FMO1: variants seen among roughly 807,000 people sequenced by gnomAD.
The protein encoded by FMO1 is flavin-containing monooxygenase 1.
Under a neutral mutation model 45.4 loss-of-function variants are expected in FMO1, and 36 were observed. The observed-to-expected ratio is 0.79, with a 90% CI of 0.61 to 1.05. The LOEUF is 1.05. Among genes scored for constraint, FMO1 ranks in the 50% least tolerant of loss-of-function variants. The pLI is 0.00. For synonymous variants in FMO1, 228 were observed against 227.2 expected, an observed-to-expected ratio of 1.00 and a Z score of -0.03; for missense variants, 615 against 640.3, an observed-to-expected ratio of 0.96 and a Z score of 0.43.
At chr1:171,275,613 A>T in intron 4 of FMO1, 105 bp downstream of exon 4, 1 of 815,450 alleles carries the variant, frequency 1.2e-6, no homozygotes. Context: ...AAATAGTTAA[A>T]GTTGGGAGGT....
At chr1:171,276,178 A>C (rs1043811986) in intron 4 of FMO1, among the ~76,000 whole-genome samples, 2 of 152,214 alleles carry the variant, frequency 1.3e-5, no homozygotes, top group African/African-American at 4.8e-5. Context: ...AAACTTTCAG[A>C]AACTTTTCTC....
chr1:171,272,564 C>T (rs1017952688), intron 3 of FMO1, among the ~76,000 whole-genome samples: 4 of 152,202 alleles, frequency 2.6e-5, no homozygotes, highest in African/African-American at 7.2e-5. Context: ...TGCAAAGCCA[C>T]AGGAGCAGAG....
rs1336099870 is a variant in FMO1, at chr1:171,285,522, C to T, written c.1577C>T (p.Ala526Val). ...TTTAGCTTTCTGGCTTTGCTTGTGGCTATTTTTCTGATTTTCCTATAAGTA... is the reference window on the plus strand; with the variant it reads ...TTTAGCTTTCTGGCTTTGCTTGTGGTTATTTTTCTGATTTTCCTATAAGTA... Reference protein sequence around the residue: ...KVFSFLALLVAIFLIFL With the variant: ...KVFSFLALLVVIFLIFL The change falls in exon 9 of 9, where the codon GCT (alanine) becomes GTT (valine). Residue 526 changes from alanine (A) to valine (V), a missense_variant. By Grantham distance (64) the Ala-to-Val change is moderately conservative. Coordinates refer to ENST00000617670, the MANE Select transcript of FMO1 (RefSeq NM_001282693.2). 2.0e-6 allele frequency: 3 copies of T among 1,508,308 alleles called. No individual in the cohort carries two copies. The highest frequency in any genetic ancestry group is 2.7e-6 in the Non-Finnish European group (3 of 1,129,506). 93.4% of individuals were successfully genotyped at this position (1,508,308 alleles called of 1,614,324 possible).
At chr1:171,283,756 A>G (rs1661495645) in intron 8 of FMO1, among the ~76,000 whole-genome samples, 1 of 152,168 alleles carries the variant, frequency 6.6e-6, no homozygotes, top group Non-Finnish European at 1.5e-5. Context: ...TGAAATGGAA[A>G]CCATACTGGC....
intron 8 of FMO1, among the ~76,000 whole-genome samples, chr1:171,284,727 G>T (rs1158465315): frequency 7.1e-5 from 8 of 112,752 alleles, no homozygotes; most frequent in African/African-American, 2.8e-4. Flanking sequence ...GCAAGACCTT[G>T]TAAAAAAAAA....
chr1:171,257,882 G>T, intron 1 of FMO1, 200 bp from the exon 2 acceptor site: 1 of 557,488 alleles, frequency 1.8e-6, no homozygotes, highest in Non-Finnish European at 3.2e-6. Context: ...GCTGCATGAG[G>T]GGCGGGAACA....
At chr1:171,276,239 A>G (rs772831477) in intron 4 of FMO1, among the ~76,000 whole-genome samples, 4 of 152,234 alleles carry the variant, frequency 2.6e-5, no homozygotes, top group Admixed American at 6.5e-5. Flanking sequence ...TCTTACCACA[A>G]TAAATTTAGG....
chr1:171,267,270 A>T (rs1055882774), intron 2 of FMO1, among the ~76,000 whole-genome samples: 1 of 152,188 alleles, frequency 6.6e-6, no homozygotes, highest in African/African-American at 2.4e-5. Context: ...AGATTGGCAT[A>T]ACCTTCCTGT....
At chr1:171,279,469 C>A (rs2101838682) in intron 5 of FMO1, among the ~76,000 whole-genome samples, 1 of 152,258 alleles carries the variant, frequency 6.6e-6, no homozygotes, top group Non-Finnish European at 1.5e-5. Flanking sequence ...GTTAAAGAAC[C>A]TGCCTGAAAT....
chr1:171,274,931 T>C (rs1297495498), intron 3 of FMO1, among the ~76,000 whole-genome samples: 1 of 152,244 alleles, frequency 6.6e-6, no homozygotes, highest in Non-Finnish European at 1.5e-5. Context: ...CATAAGCTAA[T>C]ATACACAGGA....
chr1:171,265,216 C>T (rs1350110133), intron 2 of FMO1, among the ~76,000 whole-genome samples: 5 of 151,742 alleles, frequency 3.3e-5, no homozygotes, highest in Admixed American at 3.3e-4. Flanking sequence ...CGGTGAAACC[C>T]CGTCTCTACT....
intron 3 of FMO1, among the ~76,000 whole-genome samples, chr1:171,273,567 G>T (rs1660964489): frequency 1.3e-5 from 2 of 152,082 alleles, no homozygotes; most frequent in African/African-American, 4.8e-5. Context: ...GAGTACAGTG[G>T]CAGGATCTTA....
intron 8 of FMO1, 49 bp downstream of exon 8, chr1:171,283,265 TAAAAAAAAAAAAAAAAAAAAAAAAAA>T (rs35331306): frequency 1.3e-5 from 1 of 74,120 alleles, no homozygotes; most frequent in Non-Finnish European, 2.5e-5. Context: ...CTGAAATTGG[TAAAAAAAAAAAAAAAAAAAAAAAAAA>T]AAAAAAGGAA....
At chr1:171,259,129 C>T (rs1352955402) in intron 2 of FMO1, among the ~76,000 whole-genome samples, 1 of 152,304 alleles carries the variant, frequency 6.6e-6, no homozygotes, top group East Asian at 1.9e-4. Flanking sequence ...CAGATAGCCC[C>T]GCCTCAGATC....
intron 2 of FMO1, 116 bp downstream of exon 2, chr1:171,258,335 T>C: frequency 8.0e-7 from 1 of 1,251,008 alleles, no homozygotes; most frequent in Non-Finnish European, 1.1e-6. Flanking sequence ...TAGAAATGTC[T>C]GCTGAACAGG....
In FMO1 at chr1:171,285,815, CAG is replaced by C; in HGVS notation, c.*272_*273del. On this transcript the variant is annotated 3_prime_UTR_variant, in exon 9 of 9. Coordinates refer to ENST00000617670, the MANE Select transcript of FMO1 (RefSeq NM_001282693.2). ...ATTTTAGAAAGAAAGCTGTTCTTGA[CAG>C]CACTCTGAGCCATCATACCTCTTTC... 1 of 292,502 alleles carries C rather than the reference CAG, an allele frequency of 3.4e-6. No homozygotes were observed. The highest frequency in any genetic ancestry group is 6.3e-6 in the Non-Finnish European group (1 of 159,968). 18.1% of individuals were successfully genotyped at this position (292,502 alleles called of 1,614,324 possible).
intron 1 of FMO1, chr1:171,257,656 C>G (rs1660216145): frequency 4.7e-6 from 1 of 213,144 alleles, no homozygotes; most frequent in Non-Finnish European, 9.5e-6. Context: ...GTCACCACAC[C>G]AATCGGAGCT....
chr1:171,273,392 A>G (rs1660956427), intron 3 of FMO1, among the ~76,000 whole-genome samples: 1 of 152,244 alleles, frequency 6.6e-6, no homozygotes, highest in Admixed American at 6.5e-5. Context: ...CAATGGACAC[A>G]GTAAAAATAA....
chr1:171,260,621 T>C lies in FMO1; in HGVS notation c.132+2402T>C, dbSNP rs572488571. Reference sequence around the variant, plus strand: ...GAGGGTGTGGGGGTGGCAAATGGGGTTGGAGAATTAGAAAAATAGAGAAGG... The same window carrying C: ...GAGGGTGTGGGGGTGGCAAATGGGGCTGGAGAATTAGAAAAATAGAGAAGG... On this transcript the variant is annotated intron_variant, in intron 2 of 8. Transcript: ENST00000617670. Among the ~76,000 whole-genome samples, 16 of 151,018 alleles carry C rather than the reference T, an allele frequency of 1.1e-4. 1 individual carries two copies. Among genetic ancestry groups the C allele is most frequent in the African/African-American group, 3.9e-4 (16 of 41,136 alleles).
Sources: allele counts gnomAD v4.1 joint callset (sites outside exome capture counted in the v4.1 genomes callset), GRCh38; gene constraint gnomAD v4.1.1; transcripts MANE v1.5; gene names NCBI Gene and HGNC (gene_info 2026-07-23, HGNC 2026-07-21).